Variants in AP3D1 observed in about 807,000 individuals in gnomAD.
AP3D1 encodes adaptor related protein complex 3 subunit delta 1.
Under a neutral mutation model 147.6 loss-of-function variants are expected in AP3D1, and 51 were observed. That is an observed-to-expected ratio of 0.35 (90% CI 0.28 to 0.44). The LOEUF is 0.44. Ranked by LOEUF, AP3D1 falls within the 20% of genes least tolerant of loss-of-function variation. The pLI is 1.00. For missense variants in AP3D1, 1,421 were observed against 1,624.2 expected (o/e 0.87, Z 2.15); for synonymous variants, 760 against 663.0 (o/e 1.15, Z -2.25).
intron 31 of AP3D1, among the ~76,000 whole-genome samples, chr19:2,105,322 T>C (rs1049882413): frequency 3.3e-5 from 5 of 152,196 alleles, no homozygotes; most frequent in African/African-American, 1.2e-4. Flanking sequence ...ATAATGGCCC[T>C]AACGCCCACG....
intron 31 of AP3D1, among the ~76,000 whole-genome samples, chr19:2,105,501 CCCATCCA>C (rs2018084892): frequency 6.6e-6 from 1 of 152,210 alleles, no homozygotes; most frequent in Non-Finnish European, 1.5e-5. Flanking sequence ...TTTAATTCGG[CCCATCCA>C]TTCGTTTCCC....
At chr19:2,123,736 C>T in intron 10 of AP3D1, 94 bp downstream of exon 10, 1 of 1,439,494 alleles carries the variant, frequency 6.9e-7, no homozygotes, top group Non-Finnish European at 9.5e-7. Flanking sequence ...GGGGGACCAG[C>T]ACCTTGGTCA....
At position 2,129,389 on chromosome 19, in the gene AP3D1, G is replaced by A. The variant is rs1470305996; in HGVS notation, c.661C>T (p.Leu221=). 4 of 1,614,022 alleles carry A rather than the reference G, an allele frequency of 2.5e-6. No individual in the cohort carries two copies. The highest frequency in any genetic ancestry group is 3.3e-5 in the Admixed American group (2 of 60,000). Residue 221 remains leucine, a synonymous_variant, in exon 7 of 32, where the codon CTG becomes TTG. Coordinates refer to ENST00000643116, the MANE Select transcript of AP3D1 (RefSeq NM_001261826.3). ...ARRNPKNYLS[L]APLFFKLMTS... is the part of the protein sequence containing the mutation. ...ATCAGCTTGAAAAAGAGCGGGGCCAGGGACAGGTAGTTCTTAGGGTTGCGT... is the reference window on the plus strand; with the variant it reads ...ATCAGCTTGAAAAAGAGCGGGGCCAAGGACAGGTAGTTCTTAGGGTTGCGT...
At position 2,146,968 on chromosome 19, in the gene AP3D1, A is replaced by G. The variant is rs149570045; in HGVS notation, c.96+4271T>C. On this transcript the variant is annotated intron_variant, in intron 1 of 31. Coordinates refer to ENST00000643116, the MANE Select transcript of AP3D1 (RefSeq NM_001261826.3). ...GTGCCCAGAATAGCTCTACCCAGAG[A>G]ATGATCCAGCCCCAACATCCACAGT... Among the ~76,000 whole-genome samples, 319 of 152,274 alleles carry G rather than the reference A, an allele frequency of 2.1e-3. 2 individuals are homozygous for G. The highest frequency in any genetic ancestry group is 5.8e-3 in the Admixed American group (89 of 15,288).
intron 23 of AP3D1, 26 bp downstream of exon 23, chr19:2,113,310 G>T (rs1023839114): frequency 9.0e-7 from 1 of 1,107,006 alleles, no homozygotes; most frequent in Non-Finnish European, 1.2e-6. Context: ...ACCGAGGCTG[G>T]CACTGGCCAG....
At chr19:2,115,509 T>C (rs1428509927) in intron 19 of AP3D1, 29 bp downstream of exon 19, 8 of 1,610,904 alleles carry the variant, frequency 5.0e-6, no homozygotes, top group Middle Eastern at 1.6e-4. Flanking sequence ...ATGTGACAAA[T>C]GCGGCGCCGA....
At chr19:2,145,888 C>A (rs1209269033) in intron 1 of AP3D1, among the ~76,000 whole-genome samples, 4 of 152,230 alleles carry the variant, frequency 2.6e-5, no homozygotes, top group African/African-American at 4.8e-5. Context: ...CGGCTAAACG[C>A]CTGTGAATGA....
Position 2,137,792 on chromosome 19 carries a change from A to G in AP3D1, c.208T>C (p.Tyr70His). 1 of 1,614,042 alleles carries G rather than the reference A, an allele frequency of 6.2e-7. No individual in the cohort carries two copies. The change falls in exon 3 of 32, where the codon TAC becomes CAC. Residue 70 changes from tyrosine (Y) to histidine (H), a missense_variant. Physicochemically the swap from Tyr to His is moderately conservative, Grantham distance 83. This residue lies in a region of AP3D1 where 292 missense variants were observed against 412.0 expected (regional missense o/e 0.71). Coordinates refer to ENST00000643116, the MANE Select transcript of AP3D1 (RefSeq NM_001261826.3). ...CKLTYLQMLG[Y>H]DISWAAFNII... The stretch of plus-strand genomic sequence containing the variant: ...TTGAAGGCGGCCCAGCTGATGTCGT[A>G]TCCCAACATCTGTAACTGTTAAGGG...
chr19:2,110,214 G>C lies in AP3D1; in HGVS notation c.3186C>G (p.Asn1062Lys). ...VPFQLPPGVSNEAQYVFTIQS... is the reference protein window; with the variant it reads ...VPFQLPPGVSKEAQYVFTIQS... ...GGATGGTGAACACATACTGGGCTTCGTTGGAGACGCCTGGCGGGGGCGAGA... is the reference window on the plus strand; with the variant it reads ...GGATGGTGAACACATACTGGGCTTCCTTGGAGACGCCTGGCGGGGGCGAGA... Residue 1062 changes from asparagine to lysine, a missense_variant, in exon 28 of 32, where the codon AAC becomes AAG. Physicochemically the swap from Asn to Lys is moderately conservative, Grantham distance 94. Around this residue, in one of 6 missense-constraint regions of AP3D1, gnomAD observed 791 missense variants for 761.4 expected, o/e 1.04. Coordinates refer to ENST00000643116, the MANE Select transcript of AP3D1 (RefSeq NM_001261826.3). 1 of 1,612,100 alleles carries C rather than the reference G, an allele frequency of 6.2e-7. No homozygotes were observed. Among genetic ancestry groups the C allele is most frequent in the South Asian group, 1.1e-5 (1 of 91,014 alleles).
intron 9 of AP3D1, among the ~76,000 whole-genome samples, chr19:2,125,048 G>C (rs1186982135): frequency 6.6e-6 from 1 of 152,194 alleles, no homozygotes; most frequent in African/African-American, 2.4e-5. Context: ...CACTGCCTGG[G>C]TGTTGGTGCA....
chr19:2,131,929 C>A (rs530946393), intron 5 of AP3D1, among the ~76,000 whole-genome samples: 2 of 152,224 alleles, frequency 1.3e-5, no homozygotes, highest in South Asian at 4.1e-4. Flanking sequence ...GGAAAGCATG[C>A]CCGCTCCACA....
Position 2,137,099 on chromosome 19 carries a change from AG to A in AP3D1, c.274-9del, listed in dbSNP as rs759952261. 4.4e-6 allele frequency: 7 copies of A among 1,575,422 alleles called. No individual in the cohort carries two copies. Among genetic ancestry groups the A allele is most frequent in the Non-Finnish European group, 6.0e-6 (7 of 1,160,758 alleles). On this transcript the variant is annotated splice_polypyrimidine_tract_variant and intron_variant, in intron 3 of 31. Transcript: ENST00000643116. ...AGCGAGGTAGCCAATTCGCTGGGAG[AG>A]AACAGATGAGCACATCAGAGGCAGG...
chr19:2,147,135 G>A (rs1180528860), intron 1 of AP3D1, among the ~76,000 whole-genome samples: 3 of 152,106 alleles, frequency 2.0e-5, no homozygotes, highest in African/African-American at 4.8e-5. Context: ...ACCTGAGGTC[G>A]GGAGTTCAAG....
intron 1 of AP3D1, among the ~76,000 whole-genome samples, chr19:2,147,858 C>G (rs2144565382): frequency 6.8e-6 from 1 of 146,364 alleles, no homozygotes; most frequent in East Asian, 2.0e-4. Flanking sequence ...GCACTCCAGC[C>G]TGGCGACAGA....
chr19:2,122,133 C>G (rs797018985), intron 11 of AP3D1, among the ~76,000 whole-genome samples: 35 of 152,308 alleles, frequency 2.3e-4, no homozygotes, highest in African/African-American at 8.4e-4. Flanking sequence ...CTACCTACTA[C>G]CACGTTGTAG....
intron 1 of AP3D1, among the ~76,000 whole-genome samples, chr19:2,148,896 C>T (rs2005325): frequency 0.017 from 2,607 of 152,258 alleles, 30 homozygotes; most frequent in South Asian, 0.027. Context: ...GCAGAAAATG[C>T]GCACACTGTC....
At chr19:2,116,875 C>T (rs1568283242) in intron 16 of AP3D1, 129 bp from the exon 17 acceptor site, 1 of 1,261,868 alleles carries the variant, frequency 7.9e-7, no homozygotes, top group Non-Finnish European at 1.1e-6. Context: ...GCCACCCACA[C>T]AGGGCCAGCG....
chr19:2,105,814 A>C, intron 31 of AP3D1, among the ~76,000 whole-genome samples: 1 of 152,222 alleles, frequency 6.6e-6, no homozygotes, highest in East Asian at 1.9e-4. Flanking sequence ...GGCTGCCGTC[A>C]GCCGGGCGCG....
At chr19:2,150,391 C>T (rs1213934140) in intron 1 of AP3D1, among the ~76,000 whole-genome samples, 1 of 152,250 alleles carries the variant, frequency 6.6e-6, no homozygotes, top group African/African-American at 2.4e-5. Context: ...GCCCATTCTT[C>T]TTCAATCTAG....
Sources: allele counts gnomAD v4.1 joint callset (sites outside exome capture counted in the v4.1 genomes callset), GRCh38; gene constraint gnomAD v4.1.1; regional missense constraint gnomAD v4.1.1; transcripts MANE v1.5; gene names NCBI Gene and HGNC (gene_info 2026-07-23, HGNC 2026-07-21).